Variants in VPS13B observed in about 807,000 individuals in gnomAD.
VPS13B encodes the protein vacuolar protein sorting 13 homolog B, also known as intermembrane lipid transfer protein VPS13B.
VPS13B carries 285 observed loss-of-function variants against 426.4 expected under a neutral mutation model. The ratio of observed to expected loss-of-function variants is 0.67; its 90% CI spans 0.61 to 0.74. VPS13B has a LOEUF of 0.74. VPS13B is among the 30% of genes least tolerant of loss of function. VPS13B has a pLI of 0.00. For missense variants in VPS13B, 4,537 were observed against 4,782.6 expected (o/e 0.95, Z 1.51); for synonymous variants, 1,676 against 1,676.4 (o/e 1.00, Z 0.01).
intron 43 of VPS13B, chr8:99,796,946 T>A (rs1193242147): frequency 6.6e-6 from 1 of 152,198 alleles, no homozygotes; most frequent in African/African-American, 2.4e-5. Flanking sequence ...TTCCGCTACA[T>A]TCTGTTGCGC....
chr8:99,251,160 A>C (rs1240621512), intron 17 of VPS13B, among the ~76,000 whole-genome samples: 1 of 151,926 alleles, frequency 6.6e-6, no homozygotes, highest in African/African-American at 2.4e-5. Context: ...TATACCTTTT[A>C]TCTCTCTTTG....
chr8:99,753,434 T>G (rs1478804845), intron 39 of VPS13B, among the ~76,000 whole-genome samples: 3 of 152,198 alleles, frequency 2.0e-5, no homozygotes, highest in Non-Finnish European at 4.4e-5. Flanking sequence ...GTAAAATATC[T>G]GAACAGTTAG....
chr8:99,447,893 A>G (rs1355148424), intron 23 of VPS13B, among the ~76,000 whole-genome samples: 2 of 151,904 alleles, frequency 1.3e-5, no homozygotes, highest in South Asian at 4.1e-4. Flanking sequence ...AAATGATTTT[A>G]TAAAAGGACC....
chr8:99,302,733 T>C (rs575141211), intron 19 of VPS13B, among the ~76,000 whole-genome samples: 1 of 152,104 alleles, frequency 6.6e-6, no homozygotes, highest in Non-Finnish European at 1.5e-5. Flanking sequence ...GGTCTTGAAC[T>C]CCTGACCTCA....
intron 51 of VPS13B, among the ~76,000 whole-genome samples, chr8:99,831,537 T>C (rs1004754326): frequency 2.0e-5 from 3 of 152,204 alleles, no homozygotes; most frequent in African/African-American, 4.8e-5. Context: ...ATTAATCAAA[T>C]AGGATAAAAG....
chr8:99,403,323 C>A (rs1208078091), intron 21 of VPS13B, among the ~76,000 whole-genome samples: 1 of 152,034 alleles, frequency 6.6e-6, no homozygotes, highest in Non-Finnish European at 1.5e-5. Context: ...TCGAGGTGGG[C>A]AGATCACCTG....
intron 55 of VPS13B, 141 bp from the exon 56 acceptor site, chr8:99,853,308 GAA>G: frequency 1.2e-6 from 1 of 818,526 alleles, no homozygotes; most frequent in Non-Finnish European, 1.9e-6. Flanking sequence ...ACAATGTACT[GAA>G]AGTTGAGTTC....
At chr8:99,094,153 T>C (rs374750712) in intron 3 of VPS13B, 2 of 152,188 alleles carry the variant, frequency 1.3e-5, no homozygotes, top group East Asian at 3.8e-4. Flanking sequence ...TGATTTCAGA[T>C]GGTTTCAGTG....
At chr8:99,802,258 C>G (rs1396672198) in intron 43 of VPS13B, among the ~76,000 whole-genome samples, 2 of 151,880 alleles carry the variant, frequency 1.3e-5, no homozygotes, top group African/African-American at 2.4e-5. Context: ...ATATAGCAAG[C>G]CAGACTCTGT....
intron 3 of VPS13B, 114 bp from the exon 4 acceptor site, chr8:99,096,195 AATT>A: frequency 8.3e-7 from 1 of 1,210,482 alleles, no homozygotes; most frequent in South Asian, 1.5e-5. Flanking sequence ...TAAAAAATAA[AATT>A]ATGTTGATCT....
At chr8:99,640,085 A>T (rs1268787067) in intron 33 of VPS13B, among the ~76,000 whole-genome samples, 4 of 150,136 alleles carry the variant, frequency 2.7e-5, no homozygotes, top group Non-Finnish European at 5.9e-5. Context: ...AGAAAAGAAA[A>T]GAAAAGAAAA....
Position 99,265,443 on chromosome 8 carries a change from G to C in VPS13B, c.2516-8755G>C, listed in dbSNP as rs1818246806. 1.3e-5 allele frequency among the ~76,000 whole-genome samples: 2 copies of C among 152,156 alleles called. 1 individual carries two copies. The highest frequency in any genetic ancestry group is 4.1e-4 in the South Asian group (2 of 4,830). ...GTTTCTAAGCCTGGTACTTAGTAAA[G>C]GAAGGGTAGATCTCATTATCCAGTA... On this transcript the variant is annotated intron_variant, in intron 17 of 61. Coordinates refer to ENST00000357162, the MANE Select transcript of VPS13B (RefSeq NM_152564.5).
At chr8:99,445,267 T>A (rs1453261654) in intron 23 of VPS13B, among the ~76,000 whole-genome samples, 1 of 148,904 alleles carries the variant, frequency 6.7e-6, no homozygotes, top group Non-Finnish European at 1.5e-5. Context: ...TTATAAATTT[T>A]GTAGTATAAA....
At chr8:99,141,951 G>T (rs1310879219) in intron 12 of VPS13B, among the ~76,000 whole-genome samples, 1 of 151,770 alleles carries the variant, frequency 6.6e-6, no homozygotes, top group Non-Finnish European at 1.5e-5. Flanking sequence ...TACTCGGGAG[G>T]CTGAGGCAGG....
intron 4 of VPS13B, among the ~76,000 whole-genome samples, chr8:99,096,905 G>C (rs1846456296): frequency 6.6e-6 from 1 of 152,108 alleles, no homozygotes; most frequent in African/African-American, 2.4e-5. Flanking sequence ...GTAAACCACT[G>C]TACCAAGCCC....
chr8:99,463,612 A>G (rs1387413624), intron 23 of VPS13B, among the ~76,000 whole-genome samples: 1 of 152,190 alleles, frequency 6.6e-6, no homozygotes, highest in Admixed American at 6.5e-5. Context: ...GATATCATTT[A>G]TAATGTCTTG....
intron 24 of VPS13B, among the ~76,000 whole-genome samples, chr8:99,473,856 G>A (rs1819543379): frequency 6.6e-6 from 1 of 152,090 alleles, no homozygotes. Flanking sequence ...TGTACTAGCA[G>A]CAAACAACCG....
rs779427167 is a variant in VPS13B, at chr8:99,861,829, C to T, written c.11098C>T (p.Arg3700Trp). The T allele has an allele frequency of 4.9e-5, 78 of 1,598,830 alleles. No homozygotes were observed. Among genetic ancestry groups the T allele is most frequent in the African/African-American group, 9.4e-5 (7 of 74,776 alleles). Residue 3700 changes from arginine (R) to tryptophan (W), a missense_variant, in exon 58 of 62, where the codon CGG becomes TGG. Physicochemically the swap from Arg to Trp is moderately radical, Grantham distance 101. Coordinates refer to ENST00000357162, the MANE Select transcript of VPS13B (RefSeq NM_152564.5). ...CACAAGCCTGGCCCGGAACATGGAC[C>T]GGCTCTCACTGGATGAGGAGCACTA... ...LATSLARNMD[R>W]LSLDEEHYNR...
At chr8:99,309,237 T>C (rs983820327) in intron 19 of VPS13B, among the ~76,000 whole-genome samples, 4 of 152,222 alleles carry the variant, frequency 2.6e-5, no homozygotes, top group Non-Finnish European at 5.9e-5. Flanking sequence ...TTTGGAGTTT[T>C]AGATATGAAG....
Sources: gnomAD v4.1 joint callset for allele counts (sites outside exome capture counted in the v4.1 genomes callset) on GRCh38, gnomAD v4.1.1 for gene constraint, MANE v1.5 for transcripts, NCBI Gene and HGNC (gene_info 2026-07-23, HGNC 2026-07-21) for gene names.